Variants in SYNDIG1 observed in about 807,000 individuals in gnomAD.
SYNDIG1 encodes the protein synapse differentiation inducing 1.
A neutral mutation model predicts 19.4 loss-of-function variants in SYNDIG1; 9 were observed. The observed-to-expected ratio is 0.46, with a 90% CI of 0.28 to 0.81. SYNDIG1 has a LOEUF of 0.81. Among genes scored for constraint, SYNDIG1 ranks in the 30% least tolerant of loss-of-function variants. The pLI is 0.12. For missense variants in SYNDIG1, 311 were observed against 343.3 expected (o/e 0.91, Z 0.74); for synonymous variants, 141 against 145.9 (o/e 0.97, Z 0.24).
chr20:24,555,726 T>G (rs6114772), intron 2 of SYNDIG1, among the ~76,000 whole-genome samples: 4,827 of 152,224 alleles, frequency 0.032, 177 homozygotes, highest in African/African-American at 0.09. Context: ...TACTTCCAAG[T>G]ATGTGGTCAA....
chr20:24,580,295 G>T (rs755848629), intron 2 of SYNDIG1, among the ~76,000 whole-genome samples: 7 of 152,186 alleles, frequency 4.6e-5, no homozygotes, highest in Non-Finnish European at 1.0e-4. Flanking sequence ...TTCCTCGCGA[G>T]TGGCATGATG....
At chr20:24,483,732 T>A (rs1451033311) in intron 1 of SYNDIG1, among the ~76,000 whole-genome samples, 1 of 152,176 alleles carries the variant, frequency 6.6e-6, no homozygotes, top group Non-Finnish European at 1.5e-5. Flanking sequence ...ATTGAGTACT[T>A]GCCATTTGCT....
chr20:24,582,375 TCCCCCCATATG>T, intron 2 of SYNDIG1, among the ~76,000 whole-genome samples: 1 of 45,864 alleles, frequency 2.2e-5, no homozygotes. Flanking sequence ...TTGCATGGCC[TCCCCCCATATG>T]TCCTCCCTTC....
intron 1 of SYNDIG1, among the ~76,000 whole-genome samples, chr20:24,505,086 CGTG>C (rs2056555032): frequency 6.6e-6 from 1 of 152,116 alleles, no homozygotes; most frequent in South Asian, 2.1e-4. Context: ...TGTTCACAGA[CGTG>C]GTGGGTGAGG....
chr20:24,584,960 T>C lies in SYNDIG1; in HGVS notation c.585T>C (p.Pro195=). Residue 195 remains proline, a synonymous_variant, in exon 3 of 4, where the codon CCT becomes CCC. Coordinates refer to ENST00000376862, the MANE Select transcript of SYNDIG1 (RefSeq NM_024893.3). ...SVFSMLCCFW[P]LGIAAFYLSH... ...TCTCCATGCTCTGCTGCTTCTGGCC[T>C]CTGGGCATCGCAGCCTTCTACTTGT... The C allele has an allele frequency of 6.2e-7, 1 of 1,613,568 alleles. No individual in the cohort carries two copies. The highest frequency in any genetic ancestry group is 1.1e-5 in the South Asian group (1 of 91,042).
intron 2 of SYNDIG1, among the ~76,000 whole-genome samples, chr20:24,563,574 A>T (rs893108376): frequency 3.3e-5 from 5 of 152,106 alleles, no homozygotes; most frequent in Non-Finnish European, 7.4e-5. Context: ...CACAGGGTTA[A>T]ATTTCTTTCC....
In SYNDIG1 at chr20:24,492,088, G is replaced by T. The variant is rs1284855416; in HGVS notation, c.-79+22335G>T. Among the ~76,000 whole-genome samples the T allele has an allele frequency of 1.3e-5, 2 of 152,234 alleles. 1 individual carries two copies. Among genetic ancestry groups the T allele is most frequent in the Admixed American group, 1.3e-4 (2 of 15,286 alleles). The stretch of plus-strand genomic sequence containing the variant: ...GACCCAGGCAAGAGGCCCCCGGCCG[G>T]CTCCGTGTGAACAGATCCTCCCATC... On this transcript the variant is annotated intron_variant, in intron 1 of 3. Transcript: ENST00000376862.
chr20:24,585,056 G>GGGGGGGGGGGCCCC, intron 3 of SYNDIG1, 63 bp downstream of exon 3: 1 of 545,664 alleles, frequency 1.8e-6, no homozygotes, highest in South Asian at 1.5e-5. Context: ...GGTGGGGGCG[G>GGGGGGGGGGGCCCC]CAATCCCAGC....
At chr20:24,602,638 A>T (rs187008487) in intron 3 of SYNDIG1, among the ~76,000 whole-genome samples, 103 of 152,222 alleles carry the variant, frequency 6.8e-4, no homozygotes, top group African/African-American at 2.3e-3. Flanking sequence ...TGCCTGGTCC[A>T]CCCTTCTGAA....
chr20:24,597,513 CG>C (rs2058614032), intron 3 of SYNDIG1, among the ~76,000 whole-genome samples: 1 of 151,984 alleles, frequency 6.6e-6, no homozygotes, highest in Non-Finnish European at 1.5e-5. Context: ...TGTGGTGGAT[CG>C]GGGCTGGAAT....
At chr20:24,525,432 A>G (rs6114757) in intron 1 of SYNDIG1, among the ~76,000 whole-genome samples, 115,702 of 151,670 alleles carry the variant, frequency 0.76, 44,585 homozygotes, top group African/African-American at 0.88. Flanking sequence ...TTACAGGCAC[A>G]CACCACCATG....
chr20:24,616,286 A>G (rs2058930926), intron 3 of SYNDIG1, among the ~76,000 whole-genome samples: 2 of 152,208 alleles, frequency 1.3e-5, no homozygotes, highest in African/African-American at 4.8e-5. Context: ...TGGCTCTAAG[A>G]AGGTGAGGTT....
chr20:24,575,167 G>T (rs957757792), intron 2 of SYNDIG1, among the ~76,000 whole-genome samples: 1 of 152,190 alleles, frequency 6.6e-6, no homozygotes, highest in Non-Finnish European at 1.5e-5. Flanking sequence ...CTGCCTCAAA[G>T]AGCTGAACGT....
intron 1 of SYNDIG1, among the ~76,000 whole-genome samples, chr20:24,540,573 C>G (rs553227027): frequency 6.6e-6 from 1 of 152,128 alleles, no homozygotes; most frequent in South Asian, 2.1e-4. Flanking sequence ...ATGTTTTTAT[C>G]ATGAAAAGGA....
At chr20:24,593,247 T>G (rs1253666555) in intron 3 of SYNDIG1, among the ~76,000 whole-genome samples, 1 of 152,202 alleles carries the variant, frequency 6.6e-6, no homozygotes, top group African/African-American at 2.4e-5. Context: ...TTCTTTGTGT[T>G]CATGTGTTTT....
At chr20:24,585,047 GTGGGGGC>G in intron 3 of SYNDIG1, 54 bp downstream of exon 3, 1 of 1,319,260 alleles carries the variant, frequency 7.6e-7, no homozygotes, top group Non-Finnish European at 1.1e-6. Flanking sequence ...CAGGGTGGGG[GTGGGGGC>G]GGCAATCCCA....
intron 3 of SYNDIG1, among the ~76,000 whole-genome samples, chr20:24,643,597 C>G (rs2059399327): frequency 6.6e-6 from 1 of 152,212 alleles, no homozygotes; most frequent in Non-Finnish European, 1.5e-5. Context: ...ACCCTCCTCA[C>G]CCCCTTCAGT....
intron 3 of SYNDIG1, among the ~76,000 whole-genome samples, chr20:24,649,693 G>A (rs1406340818): frequency 6.6e-6 from 1 of 152,106 alleles, no homozygotes; most frequent in African/African-American, 2.4e-5. Flanking sequence ...TCCCCTCAAA[G>A]CATTAGAAAC....
chr20:24,552,820 T>C (rs1423941254), intron 2 of SYNDIG1, among the ~76,000 whole-genome samples: 2 of 152,258 alleles, frequency 1.3e-5, no homozygotes, highest in Admixed American at 6.5e-5. Context: ...TTTGGGTATA[T>C]ACCCGGTAAT....
Sources: gnomAD v4.1 joint callset for allele counts (sites outside exome capture counted in the v4.1 genomes callset) on GRCh38, gnomAD v4.1.1 for gene constraint, MANE v1.5 for transcripts, NCBI Gene and HGNC (gene_info 2026-07-23, HGNC 2026-07-21) for gene names.